PM20D2: variants seen among roughly 807,000 people sequenced by gnomAD.
PM20D2 encodes peptidase M20 domain containing 2, also known as xaa-Arg dipeptidase.
Under a neutral mutation model 42.9 loss-of-function variants are expected in PM20D2, and 33 were observed. The ratio of observed to expected loss-of-function variants is 0.77; its 90% confidence interval spans 0.58 to 1.03. PM20D2 has a LOEUF of 1.03. Ranked by LOEUF, PM20D2 falls within the 50% of genes least tolerant of loss-of-function variation. The pLI is 0.00. For missense variants in PM20D2, 548 were observed against 557.0 expected (o/e 0.98, Z 0.16); for synonymous variants, 250 against 228.2 (o/e 1.10, Z -0.86).
Position 89,146,343 on chromosome 6 carries a change from G to C in PM20D2, c.199G>C (p.Glu67Gln). Residue 67 changes from glutamate (E) to glutamine (Q), a missense_variant, in exon 1 of 7, where the codon GAG becomes CAG. Transcript: ENST00000275072. Reference protein sequence around the residue: ...HAHRVLTHFFEREPPAASWAV... With the variant: ...HAHRVLTHFFQREPPAASWAV... ...CCACCGCGTGCTGACGCACTTCTTC[G>C]AGCGGGAGCCGCCCGCGGCCTCCTG... 10 of 1,563,528 alleles carry C rather than the reference G, an allele frequency of 6.4e-6. No individual in the cohort carries two copies. The highest frequency in any genetic ancestry group is 7.7e-6 in the Non-Finnish European group (9 of 1,163,036).
the PM20D2 span, among the ~76,000 whole-genome samples, chr6:89,136,202 T>G: frequency 2.0e-5 from 3 of 151,144 alleles, no homozygotes; most frequent in East Asian, 5.8e-4. Flanking sequence ...CTGTGAGGTC[T>G]CATCATCTTT....
chr6:89,120,374 T>A, the PM20D2 span, among the ~76,000 whole-genome samples: 1 of 152,208 alleles, frequency 6.6e-6, no homozygotes, highest in Non-Finnish European at 1.5e-5. Flanking sequence ...CAGATAAGGA[T>A]ACATACCTGG....
chr6:89,131,178 C>G, the PM20D2 span, among the ~76,000 whole-genome samples: 572 of 152,096 alleles, frequency 3.8e-3, 7 homozygotes, highest in African/African-American at 0.013. Context: ...ATCCCACTCC[C>G]AAGATAAATT....
the PM20D2 span, among the ~76,000 whole-genome samples, chr6:89,139,545 G>C: frequency 6.6e-6 from 1 of 152,126 alleles, no homozygotes; most frequent in Non-Finnish European, 1.5e-5. Flanking sequence ...CTAAAGTCCT[G>C]CTCCCAAATA....
Position 89,162,885 on chromosome 6 carries a change from G to C in PM20D2, c.*622G>C, listed in dbSNP as rs1385017194. The C allele has an allele frequency of 6.6e-6, 1 of 152,530 alleles. No individual in the cohort carries two copies. Among genetic ancestry groups the C allele is most frequent in the East Asian group, 1.9e-4 (1 of 5,194 alleles). 9.4% of individuals were successfully genotyped at this position (152,530 alleles called of 1,614,324 possible). A position where few individuals can be genotyped will look rare whatever the true frequency, so the allele number is the denominator to read the frequency against. ...AGGTTCAAGTGATTCTCCTGCCTCA[G>C]CCTACCAAGTAGCTGGGATTACAGG... On this transcript the variant is annotated 3_prime_UTR_variant, in exon 7 of 7. Coordinates refer to ENST00000275072, the MANE Select transcript of PM20D2 (RefSeq NM_001010853.3).
chr6:89,152,659 A>G (rs1466935466), intron 2 of PM20D2, among the ~76,000 whole-genome samples: 1 of 152,106 alleles, frequency 6.6e-6, no homozygotes, highest in Non-Finnish European at 1.5e-5. Flanking sequence ...ACCTCTTAAG[A>G]CAGAATTTCT....
At chr6:89,100,395 C>T in the PM20D2 span, among the ~76,000 whole-genome samples, 3 of 152,110 alleles carry the variant, frequency 2.0e-5, no homozygotes, top group South Asian at 4.1e-4. Context: ...TTTAACAACA[C>T]CCAAAACCAA....
chr6:89,117,982 C>T, the PM20D2 span: 9 of 1,357,818 alleles, frequency 6.6e-6, no homozygotes, highest in Admixed American at 7.7e-5. Flanking sequence ...CTCCGCCGGC[C>T]CCCGGCGCGA....
At chr6:89,095,941 G>T in the PM20D2 span, 2 of 152,108 alleles carry the variant, frequency 1.3e-5, no homozygotes, top group Admixed American at 1.3e-4. Context: ...CTCTTTAAAA[G>T]AACTGATCAC....
the PM20D2 span, chr6:89,098,052 T>C: frequency 6.5e-6 from 1 of 152,824 alleles, no homozygotes; most frequent in African/African-American, 2.4e-5. Context: ...GTTTGATCTC[T>C]ATATATATTC....
the PM20D2 span, among the ~76,000 whole-genome samples, chr6:89,101,248 C>A: frequency 6.6e-6 from 1 of 152,042 alleles, no homozygotes; most frequent in African/African-American, 2.4e-5. Flanking sequence ...GTCACACAAG[C>A]CAGAGGAAAG....
the PM20D2 span, among the ~76,000 whole-genome samples, chr6:89,125,296 C>T: frequency 6.5e-4 from 99 of 152,156 alleles, no homozygotes; most frequent in Non-Finnish European, 1.1e-3. Context: ...CTGGCTAACA[C>T]GGTGAAACTC....
chr6:89,138,995 A>G, the PM20D2 span, among the ~76,000 whole-genome samples: 2 of 152,234 alleles, frequency 1.3e-5, no homozygotes. Flanking sequence ...GGTAGCTTAC[A>G]ATAATAGCAA....
upstream of PM20D2, among the ~76,000 whole-genome samples, chr6:89,142,910 G>A (rs6454740): frequency 0.36 from 55,031 of 151,846 alleles, 10,946 homozygotes; most frequent in African/African-American, 0.54. Context: ...CACCCACCTC[G>A]GCCTCCCAGA....
chr6:89,147,925 G>A (rs1017460647), intron 1 of PM20D2, among the ~76,000 whole-genome samples: 1 of 148,214 alleles, frequency 6.7e-6, no homozygotes, highest in Admixed American at 6.7e-5. Flanking sequence ...TCATGTCAGA[G>A]TTTGAGCACT....
the PM20D2 span, among the ~76,000 whole-genome samples, chr6:89,103,045 T>C: frequency 1.3e-5 from 2 of 152,170 alleles, no homozygotes; most frequent in African/African-American, 4.8e-5. Flanking sequence ...ATCACAGGTG[T>C]GAGCCACTGC....
Position 89,146,125 on chromosome 6 carries a change from G to C in PM20D2, c.-20G>C, listed in dbSNP as rs1770530998. 7.0e-7 allele frequency: 1 copy of C among 1,437,444 alleles called. No individual in the cohort carries two copies. Among genetic ancestry groups the C allele is most frequent in the Non-Finnish European group, 9.1e-7 (1 of 1,101,536 alleles). The allele number at this position is 1,437,444 out of a possible 1,614,324, so 89.0% of individuals were successfully genotyped here. On this transcript the variant is annotated 5_prime_UTR_variant, in exon 1 of 7. Transcript: ENST00000275072. The stretch of plus-strand genomic sequence containing the variant: ...GAGCCAGGGAGCGAGAGGGCGCAGA[G>C]GGCAGCGGGCTTGGGCAGCATGAGG...
intron 1 of PM20D2, among the ~76,000 whole-genome samples, chr6:89,147,320 CTA>C (rs1277825853): frequency 6.6e-6 from 1 of 152,166 alleles, no homozygotes; most frequent in Non-Finnish European, 1.5e-5. Context: ...ATATTCTACA[CTA>C]TGAGCTAAGA....
the PM20D2 span, among the ~76,000 whole-genome samples, chr6:89,127,059 G>A: frequency 2.0e-5 from 3 of 152,088 alleles, no homozygotes; most frequent in South Asian, 2.1e-4. Context: ...ACCCTAATTG[G>A]TCACCTTTGG....
Sources: allele counts gnomAD v4.1 joint callset (sites outside exome capture counted in the v4.1 genomes callset), GRCh38; gene constraint gnomAD v4.1.1; transcripts MANE v1.5; gene names NCBI Gene and HGNC (gene_info 2026-07-23, HGNC 2026-07-21).